The following ASCC3 variants were observed in gnomAD, a reference collection of about 807,000 sequenced individuals.
ASCC3 encodes the protein activating signal cointegrator 1 complex subunit 3.
ASCC3 carries 158 observed loss-of-function variants against 256.3 expected under a neutral mutation model. The observed-to-expected ratio is 0.62, with a 90% CI of 0.54 to 0.70. The LOEUF is 0.70. ASCC3 is among the 30% of genes least tolerant of loss of function. The pLI is 0.00. For missense variants in ASCC3, 2,259 were observed against 2,626.0 expected (o/e 0.86, Z 3.05); for synonymous variants, 948 against 883.4 (o/e 1.07, Z -1.30).
intron 4 of ASCC3, among the ~76,000 whole-genome samples, chr6:100,834,840 T>G (rs1771796717): frequency 6.6e-6 from 1 of 152,098 alleles, no homozygotes; most frequent in South Asian, 2.1e-4. Flanking sequence ...CCAAAAGAGA[T>G]CGGGCTGTAT....
chr6:100,813,639 G>A (rs1441209316), intron 4 of ASCC3, among the ~76,000 whole-genome samples: 3 of 152,108 alleles, frequency 2.0e-5, no homozygotes, highest in South Asian at 4.2e-4. Flanking sequence ...GTGTGTGCGT[G>A]TATGTGTGTT....
At chr6:100,670,326 A>G (rs1776679926) in intron 14 of ASCC3, among the ~76,000 whole-genome samples, 1 of 151,894 alleles carries the variant, frequency 6.6e-6, no homozygotes, top group Non-Finnish European at 1.5e-5. Context: ...GATTGATTCA[A>G]CAAACACCTT....
chr6:100,509,229 G>T lies in ASCC3; in HGVS notation c.*157C>A. On this transcript the variant is annotated 3_prime_UTR_variant, in exon 42 of 42. Transcript: ENST00000369162. The stretch of plus-strand genomic sequence containing the variant: ...AAAAGGCCACTGTGGTTAACTTTAT[G>T]TCACTGGAGTCAATACTGCAGCCAC... 1.1e-6 allele frequency: 1 copy of T among 921,806 alleles called. No homozygotes were observed. The highest frequency in any genetic ancestry group is 1.7e-6 in the Non-Finnish European group (1 of 580,912). 57.1% of individuals were successfully genotyped at this position (921,806 alleles called of 1,614,324 possible).
chr6:100,737,750 T>A (rs1037287706), intron 10 of ASCC3, among the ~76,000 whole-genome samples: 2 of 152,224 alleles, frequency 1.3e-5, no homozygotes, highest in African/African-American at 4.8e-5. Context: ...TACCCAGTAA[T>A]GGGATTGCTG....
chr6:100,574,316 G>C (rs1770748926), intron 36 of ASCC3, among the ~76,000 whole-genome samples: 1 of 152,008 alleles, frequency 6.6e-6, no homozygotes, highest in Non-Finnish European at 1.5e-5. Flanking sequence ...AGATAAAAGA[G>C]CAAAATAAGA....
At chr6:100,640,040 G>A (rs1296245695) in intron 24 of ASCC3, among the ~76,000 whole-genome samples, 4 of 152,032 alleles carry the variant, frequency 2.6e-5, no homozygotes, top group Non-Finnish European at 5.9e-5. Flanking sequence ...GCTTGAACCC[G>A]GCGAGTGGTG....
intron 34 of ASCC3, among the ~76,000 whole-genome samples, chr6:100,592,956 C>T (rs758149096): frequency 3.9e-5 from 6 of 152,082 alleles, no homozygotes; most frequent in Admixed American, 6.6e-5. Flanking sequence ...TTGCCATAAA[C>T]GGACAGCCTA....
intron 30 of ASCC3, among the ~76,000 whole-genome samples, chr6:100,619,657 G>C (rs968889107): frequency 6.6e-6 from 1 of 152,012 alleles, no homozygotes; most frequent in Non-Finnish European, 1.5e-5. Context: ...TGGCCCCCTG[G>C]CTAGTTGCAG....
chr6:100,652,904 A>G lies in ASCC3; in HGVS notation c.2824-15T>C. Reference sequence around the variant, plus strand: ...GTTGGGTCAATCTATGGCAAAAAATATATAAACAGTTGAATAGTGCTTTAG... The same window carrying G: ...GTTGGGTCAATCTATGGCAAAAAATGTATAAACAGTTGAATAGTGCTTTAG... On this transcript the variant is annotated splice_polypyrimidine_tract_variant and intron_variant, in intron 17 of 41. Transcript: ENST00000369162. 6.2e-7 allele frequency: 1 copy of G among 1,612,048 alleles called. No homozygotes were observed.
intron 4 of ASCC3, among the ~76,000 whole-genome samples, chr6:100,813,615 G>C (rs1413062424): frequency 6.6e-6 from 1 of 151,938 alleles, no homozygotes; most frequent in African/African-American, 2.4e-5. Flanking sequence ...CCATTATACA[G>C]GGCGTCTGTG....
At chr6:100,617,943 G>A (rs1047190848) in intron 30 of ASCC3, among the ~76,000 whole-genome samples, 1 of 152,138 alleles carries the variant, frequency 6.6e-6, no homozygotes, top group Non-Finnish European at 1.5e-5. Flanking sequence ...ATGTTCATAT[G>A]TTCATTTCAC....
At chr6:100,836,597 G>A (rs941711433) in intron 4 of ASCC3, among the ~76,000 whole-genome samples, 15 of 152,004 alleles carry the variant, frequency 9.9e-5, no homozygotes, top group Admixed American at 7.2e-4. Context: ...AATCCCTCTT[G>A]GTCATGGTGA....
rs1005185849 is a variant in ASCC3 at position 100,798,816 on chromosome 6, T to C, written c.1292A>G (p.Gln431Arg). 1 of 1,612,680 alleles carries C rather than the reference T, an allele frequency of 6.2e-7. No individual in the cohort carries two copies. The highest frequency in any genetic ancestry group is 1.1e-5 in the South Asian group (1 of 91,044). Reference sequence around the variant, plus strand: ...TTCATAAAGCTTGTTATTCTCTCTTTGGATTCCTTCTGGCAAAATCATCTA... The same window carrying C: ...TTCATAAAGCTTGTTATTCTCTCTTCGGATTCCTTCTGGCAAAATCATCTA... ...GAKMILPEGI[Q>R]RENNKLYEEV... Residue 431 changes from glutamine to arginine, a missense_variant, in exon 8 of 42, where the codon CAA (glutamine) becomes CGA (arginine). Coordinates refer to ENST00000369162, the MANE Select transcript of ASCC3 (RefSeq NM_006828.4).
intron 10 of ASCC3, among the ~76,000 whole-genome samples, chr6:100,764,326 G>A (rs1039680262): frequency 2.6e-5 from 4 of 152,158 alleles, no homozygotes; most frequent in African/African-American, 9.7e-5. Flanking sequence ...GAATGGGCAA[G>A]ATTTGGACAA....
intron 16 of ASCC3, 145 bp from the exon 17 acceptor site, chr6:100,655,963 C>T: frequency 4.8e-6 from 4 of 838,732 alleles, no homozygotes; most frequent in Non-Finnish European, 7.6e-6. Flanking sequence ...CTGGACACAA[C>T]ACTTTGCCAA....
chr6:100,775,980 A>C (rs767950976), intron 8 of ASCC3, among the ~76,000 whole-genome samples: 1 of 152,124 alleles, frequency 6.6e-6, no homozygotes, highest in Non-Finnish European at 1.5e-5. Context: ...AAATTATATT[A>C]ACAAATGCTT....
At chr6:100,749,324 T>C (rs1780832225) in intron 10 of ASCC3, among the ~76,000 whole-genome samples, 1 of 151,998 alleles carries the variant, frequency 6.6e-6, no homozygotes, top group Non-Finnish European at 1.5e-5. Context: ...AAATATTCCC[T>C]GGAAAAGAAT....
intron 36 of ASCC3, among the ~76,000 whole-genome samples, chr6:100,568,134 G>A (rs997327930): frequency 4.6e-5 from 7 of 152,032 alleles, no homozygotes; most frequent in Non-Finnish European, 1.0e-4. Context: ...TTGGGAGGCT[G>A]AGGTGGGAGG....
At position 100,704,730 on chromosome 6, in the gene ASCC3, T is replaced by A. The variant is rs532861485; in HGVS notation, c.2151+10732A>T. Among the ~76,000 whole-genome samples, 150 of 151,994 alleles carry A rather than the reference T, an allele frequency of 9.9e-4. 1 individual carries two copies. Among genetic ancestry groups the A allele is most frequent in the Non-Finnish European group, 1.7e-3 (114 of 67,922 alleles). ...GCTGATGTTCAGCATTAATCCAAGG[T>A]TGAAGAAGACTTTTTTTGTCTTTAG... On this transcript the variant is annotated intron_variant, in intron 13 of 41. Coordinates refer to ENST00000369162, the MANE Select transcript of ASCC3 (RefSeq NM_006828.4).
Sources: allele counts gnomAD v4.1 joint callset (sites outside exome capture counted in the v4.1 genomes callset), GRCh38; gene constraint gnomAD v4.1.1; transcripts MANE v1.5; gene names NCBI Gene and HGNC (gene_info 2026-07-23, HGNC 2026-07-21).